Variants in LRRC7 observed in about 807,000 individuals in gnomAD.
LRRC7 encodes leucine rich repeat containing 7, also known as leucine-rich repeat-containing protein 7.
LRRC7 carries 23 observed loss-of-function variants against 175.7 expected under a neutral mutation model. The ratio of observed to expected loss-of-function variants is 0.13; its 90% CI spans 0.09 to 0.19. The LOEUF is 0.19. Ranked by LOEUF, LRRC7 falls within the 10% of genes least tolerant of loss-of-function variation. LRRC7 has a pLI of 1.00. For missense variants in LRRC7, 1,354 were observed against 1,904.7 expected (o/e 0.71, Z 5.38); for synonymous variants, 685 against 680.9 (o/e 1.01, Z -0.09).
chr1:69,737,128 A>G (rs1291597628), intron 2 of LRRC7, among the ~76,000 whole-genome samples: 2 of 152,066 alleles, frequency 1.3e-5, no homozygotes, highest in Non-Finnish European at 2.9e-5. Flanking sequence ...CTTAACATCC[A>G]CTAGCCAGAG....
intron 7 of LRRC7, among the ~76,000 whole-genome samples, chr1:69,930,489 A>AT (rs1309700367): frequency 6.6e-6 from 1 of 152,198 alleles, no homozygotes; most frequent in Admixed American, 6.5e-5. Context: ...TAGTGGAGAG[A>AT]TAAAAAAAAA....
At chr1:69,934,725 G>A (rs918871100) in intron 8 of LRRC7, among the ~76,000 whole-genome samples, 1 of 151,472 alleles carries the variant, frequency 6.6e-6, no homozygotes, top group Non-Finnish European at 1.5e-5. Context: ...ATTATTTGGG[G>A]CCAGGTCAGA....
At chr1:70,117,191 C>CTGGATAA (rs1183628331) in intron 26 of LRRC7, among the ~76,000 whole-genome samples, 1 of 152,136 alleles carries the variant, frequency 6.6e-6, no homozygotes, top group Non-Finnish European at 1.5e-5. Context: ...CTGTGCTGTC[C>CTGGATAA]TCCCTGTTGG....
At chr1:69,795,944 C>T (rs1374172705) in intron 4 of LRRC7, among the ~76,000 whole-genome samples, 11 of 141,494 alleles carry the variant, frequency 7.8e-5, no homozygotes, top group African/African-American at 2.7e-4. Flanking sequence ...TTTTGTTTTT[C>T]CTAAATGTAT....
chr1:70,027,536 A>G (rs1658248028), intron 17 of LRRC7, among the ~76,000 whole-genome samples: 1 of 152,162 alleles, frequency 6.6e-6, no homozygotes. Context: ...GATATTACTC[A>G]AGAAGCATGT....
chr1:70,059,474 A>AGTGTGTGTGTGT (rs10542055), intron 23 of LRRC7, among the ~76,000 whole-genome samples: 55 of 132,284 alleles, frequency 4.2e-4, no homozygotes, highest in Middle Eastern at 4.0e-3. Flanking sequence ...ACTAGAAGAA[A>AGTGTGTGTGTGT]GTGTGTGTGT....
At chr1:69,796,860 C>G (rs1675846867) in intron 4 of LRRC7, among the ~76,000 whole-genome samples, 1 of 151,950 alleles carries the variant, frequency 6.6e-6, no homozygotes, top group South Asian at 2.1e-4. Flanking sequence ...CTCTAGGAAA[C>G]TTCCCTGACA....
At chr1:69,759,387 T>C (rs1221459441) in intron 2 of LRRC7, among the ~76,000 whole-genome samples, 1 of 151,964 alleles carries the variant, frequency 6.6e-6, no homozygotes. Context: ...GTAGATTGAA[T>C]AAAATGTTGA....
At chr1:69,744,273 A>C (rs147273099) in intron 2 of LRRC7, among the ~76,000 whole-genome samples, 1 of 151,956 alleles carries the variant, frequency 6.6e-6, no homozygotes, top group African/African-American at 2.4e-5. Flanking sequence ...ACGTATATAC[A>C]TACACATGTA....
intron 7 of LRRC7, among the ~76,000 whole-genome samples, chr1:69,917,547 A>G (rs1193701867): frequency 1.3e-5 from 2 of 152,042 alleles, no homozygotes; most frequent in Non-Finnish European, 2.9e-5. Flanking sequence ...GACATTTGAC[A>G]ATGTCTGGAG....
At chr1:69,781,658 G>A (rs141972103) in intron 3 of LRRC7, among the ~76,000 whole-genome samples, 15 of 139,526 alleles carry the variant, frequency 1.1e-4, no homozygotes, top group Non-Finnish European at 2.3e-4. Flanking sequence ...CTCCAGCCTG[G>A]GAGACAGAGC....
intron 3 of LRRC7, among the ~76,000 whole-genome samples, chr1:69,770,922 A>G (rs1569672823): frequency 6.6e-6 from 1 of 152,302 alleles, no homozygotes; most frequent in Admixed American, 6.5e-5. Context: ...ACTTAGATTC[A>G]CCTGACGTAA....
intron 2 of LRRC7, among the ~76,000 whole-genome samples, chr1:69,742,920 T>A (rs886982169): frequency 6.6e-6 from 1 of 152,052 alleles, no homozygotes; most frequent in Admixed American, 6.6e-5. Flanking sequence ...TAACAAGATA[T>A]TCTGTTGTTA....
Position 69,886,698 on chromosome 1 carries a change from G to A in LRRC7, c.648-44809G>A, listed in dbSNP as rs1002358969. ...GTGATTTTGCTCATTAGTTGATGCA[G>A]TTTCTTCCTAGTCTCGATGGTCTTT... is the stretch of plus-strand genomic sequence containing the variant. On this transcript the variant is annotated intron_variant, in intron 7 of 26. Coordinates refer to ENST00000651989, the MANE Select transcript of LRRC7 (RefSeq NM_001370785.2). Among the ~76,000 whole-genome samples the A allele has an allele frequency of 3.7e-3, 546 of 149,050 alleles. 3 individuals carry two copies. The highest frequency in any genetic ancestry group is 0.013 in the African/African-American group (505 of 40,142).
chr1:70,038,011 C>T (rs1237543456), intron 20 of LRRC7, 102 bp from the exon 21 acceptor site: 4 of 1,365,478 alleles, frequency 2.9e-6, no homozygotes, highest in Admixed American at 2.3e-5. Flanking sequence ...GATTATTGAT[C>T]AGTTAAACAA....
At chr1:69,764,778 TAGAC>T (rs879556337) in intron 3 of LRRC7, among the ~76,000 whole-genome samples, 2,638 of 144,246 alleles carry the variant, frequency 0.018, 38 homozygotes, top group South Asian at 0.035. Context: ...GATAGATAGA[TAGAC>T]AGACAGACAG....
At chr1:69,680,557 C>A (rs552373425) in intron 2 of LRRC7, among the ~76,000 whole-genome samples, 49 of 151,894 alleles carry the variant, frequency 3.2e-4, no homozygotes, top group African/African-American at 1.1e-3. Flanking sequence ...TTGAAAAATG[C>A]AAAATCTATA....
chr1:69,842,160 G>A (rs1415884471), intron 7 of LRRC7, among the ~76,000 whole-genome samples: 1 of 152,004 alleles, frequency 6.6e-6, no homozygotes, highest in Non-Finnish European at 1.5e-5. Flanking sequence ...CAAAATATAT[G>A]TCAAGATAAA....
chr1:69,616,924 T>C (rs74084932), intron 1 of LRRC7, among the ~76,000 whole-genome samples: 3,686 of 152,228 alleles, frequency 0.024, 128 homozygotes, highest in African/African-American at 0.084. Flanking sequence ...GAGGAACGTA[T>C]GTTCATAAAG....
Sources: allele counts gnomAD v4.1 joint callset (sites outside exome capture counted in the v4.1 genomes callset), GRCh38; gene constraint gnomAD v4.1.1; transcripts MANE v1.5; gene names NCBI Gene and HGNC (gene_info 2026-07-23, HGNC 2026-07-21).